PTPRD: variants seen among roughly 807,000 people sequenced by gnomAD.
The protein encoded by PTPRD is receptor-type tyrosine-protein phosphatase delta.
Under a neutral mutation model 214.5 loss-of-function variants are expected in PTPRD, and 34 were observed. The ratio of observed to expected loss-of-function variants is 0.16; its 90% CI spans 0.12 to 0.21. PTPRD has a LOEUF of 0.21. Among genes scored for constraint, PTPRD ranks in the 10% least tolerant of loss-of-function variants. The probability of loss-of-function intolerance (pLI) is 1.00; values close to 1 mark genes in which losing one functional copy is unlikely to be tolerated. For synonymous variants in PTPRD, 1,128 were observed against 845.7 expected, an observed-to-expected ratio of 1.33 and a Z score of -5.79; for missense variants, 2,545 against 2,398.7, an observed-to-expected ratio of 1.06 and a Z score of -1.27.
intron 27 of PTPRD, among the ~76,000 whole-genome samples, chr9:8,489,111 G>T (rs1237069470): frequency 2.0e-5 from 3 of 152,126 alleles, no homozygotes; most frequent in African/African-American, 7.2e-5. Flanking sequence ...CTTAGTAACT[G>T]ATGTTTCACT....
intron 3 of PTPRD, among the ~76,000 whole-genome samples, chr9:10,051,409 A>G (rs556760140): frequency 6.6e-6 from 1 of 151,744 alleles, no homozygotes; most frequent in East Asian, 1.9e-4. Flanking sequence ...TTTTTCCTCC[A>G]TGATATCTGT....
At chr9:9,374,550 T>G (rs2060299079) in intron 9 of PTPRD, among the ~76,000 whole-genome samples, 1 of 152,076 alleles carries the variant, frequency 6.6e-6, no homozygotes, top group Admixed American at 6.6e-5. Flanking sequence ...TAAAGTAAGG[T>G]AAAGTAAAGG....
chr9:9,253,648 T>TA (rs933287903), intron 9 of PTPRD, among the ~76,000 whole-genome samples: 5 of 152,088 alleles, frequency 3.3e-5, no homozygotes, highest in Non-Finnish European at 7.4e-5. Context: ...TGCCAAAGCA[T>TA]AAAAAATGGT....
At chr9:8,650,463 T>C (rs781423809) in intron 12 of PTPRD, among the ~76,000 whole-genome samples, 19 of 147,822 alleles carry the variant, frequency 1.3e-4, no homozygotes, top group Non-Finnish European at 2.2e-4. Context: ...AGGCAGAGGT[T>C]GCGGTGAGCC....
intron 10 of PTPRD, among the ~76,000 whole-genome samples, chr9:9,082,007 T>A (rs559684705): frequency 1.3e-5 from 2 of 152,062 alleles, no homozygotes; most frequent in South Asian, 2.1e-4. Flanking sequence ...ACCAGACAGA[T>A]TCACAGCCAA....
intron 4 of PTPRD, among the ~76,000 whole-genome samples, chr9:9,954,253 A>T (rs1407327142): frequency 1.5e-5 from 2 of 136,386 alleles, no homozygotes; most frequent in Non-Finnish European, 3.0e-5. Context: ...AGACTGTGCC[A>T]CTGCATTCCA....
Position 8,934,520 on chromosome 9 carries a change from A to AGT in PTPRD, c.-104+84176_-104+84177insAC, listed in dbSNP as rs2098982871. 1.2e-4 allele frequency among the ~76,000 whole-genome samples: 2 copies of AGT among 17,076 alleles called. 1 individual carries two copies. The highest frequency in any genetic ancestry group is 2.2e-4 in the Non-Finnish European group (2 of 9,242). 11.2% of individuals were successfully genotyped at this position (17,076 alleles called of 152,430 possible). A position where few individuals can be genotyped will look rare whatever the true frequency, so the allele number is the denominator to read the frequency against. ...ATATATATATAAATATATATATATA[A>AGT]ATATATATATATATGGGAAACCATA... On this transcript the variant is annotated intron_variant, in intron 11 of 45. Coordinates refer to ENST00000381196, the MANE Select transcript of PTPRD (RefSeq NM_002839.4).
intron 10 of PTPRD, among the ~76,000 whole-genome samples, chr9:9,060,176 AC>A (rs1414439085): frequency 1.3e-5 from 2 of 152,192 alleles, no homozygotes; most frequent in African/African-American, 4.8e-5. Flanking sequence ...AGCTACATTA[AC>A]TAAAACTGAC....
At chr9:10,341,917 A>C (rs2096947400) in intron 2 of PTPRD, among the ~76,000 whole-genome samples, 1 of 152,054 alleles carries the variant, frequency 6.6e-6, no homozygotes, top group South Asian at 2.1e-4. Context: ...TTAGCAACTC[A>C]ACTTTTTAAT....
intron 5 of PTPRD, among the ~76,000 whole-genome samples, chr9:9,862,893 G>GA (rs1314263667): frequency 8.6e-5 from 13 of 152,006 alleles, no homozygotes; most frequent in Admixed American, 2.6e-4. Flanking sequence ...TGTTTTAGTA[G>GA]AAAAAACACA....
chr9:9,316,973 C>T (rs1355329992), intron 9 of PTPRD, among the ~76,000 whole-genome samples: 1 of 152,116 alleles, frequency 6.6e-6, no homozygotes, highest in Non-Finnish European at 1.5e-5. Flanking sequence ...ATTTCTTTCT[C>T]TACAATGTTG....
At chr9:8,725,211 G>T (rs905121248) in intron 12 of PTPRD, among the ~76,000 whole-genome samples, 1 of 152,134 alleles carries the variant, frequency 6.6e-6, no homozygotes, top group Admixed American at 6.5e-5. Context: ...TTACTTTTCA[G>T]AACAGATGAG....
intron 9 of PTPRD, among the ~76,000 whole-genome samples, chr9:9,326,292 T>C (rs541648335): frequency 1.9e-4 from 29 of 152,148 alleles, no homozygotes; most frequent in Admixed American, 1.9e-3. Context: ...TTCATGTGGA[T>C]AATAGAGAAT....
intron 4 of PTPRD, among the ~76,000 whole-genome samples, chr9:9,964,518 T>G (rs78428086): frequency 0.033 from 5,078 of 152,192 alleles, 101 homozygotes; most frequent in Middle Eastern, 0.078. Flanking sequence ...AGCAGAAAAT[T>G]TTACCTTAAT....
Position 9,528,561 on chromosome 9 carries a change from T to A in PTPRD, c.-237+46171A>T, listed in dbSNP as rs577118708. ...GAGAACAAAATACTTGAAGACATATTGCGAGAATTTTCCCAAGTTGCTGAA... is the reference window on the plus strand; with the variant it reads ...GAGAACAAAATACTTGAAGACATATAGCGAGAATTTTCCCAAGTTGCTGAA... On this transcript the variant is annotated intron_variant, in intron 8 of 45. Coordinates refer to ENST00000381196, the MANE Select transcript of PTPRD (RefSeq NM_002839.4). 1.3e-3 allele frequency among the ~76,000 whole-genome samples: 194 copies of A among 152,212 alleles called. 2 individuals are homozygous for A. Among genetic ancestry groups the A allele is most frequent in the Non-Finnish European group, 1.2e-3 (83 of 68,012 alleles).
intron 9 of PTPRD, among the ~76,000 whole-genome samples, chr9:9,190,635 G>A (rs1449771689): frequency 1.3e-5 from 2 of 152,102 alleles, no homozygotes; most frequent in Non-Finnish European, 2.9e-5. Context: ...GCCCTAGGAG[G>A]ACACTAATAC....
intron 10 of PTPRD, among the ~76,000 whole-genome samples, chr9:9,048,282 C>G (rs1425731340): frequency 6.6e-6 from 1 of 152,094 alleles, no homozygotes; most frequent in Non-Finnish European, 1.5e-5. Context: ...AACACATGAT[C>G]CAGCAATCCT....
At chr9:10,095,356 T>C (rs1030551958) in intron 3 of PTPRD, among the ~76,000 whole-genome samples, 2 of 151,504 alleles carry the variant, frequency 1.3e-5, no homozygotes, top group Admixed American at 6.6e-5. Flanking sequence ...CTGTCAGGAA[T>C]CCATAGTTGT....
chr9:10,007,275 T>C (rs2096499281), intron 4 of PTPRD, among the ~76,000 whole-genome samples: 2 of 151,932 alleles, frequency 1.3e-5, no homozygotes, highest in Admixed American at 1.3e-4. Context: ...GTTGGAAAAA[T>C]AGATCAGAGG....
Sources: allele counts gnomAD v4.1 joint callset (sites outside exome capture counted in the v4.1 genomes callset), GRCh38; gene constraint gnomAD v4.1.1; transcripts MANE v1.5; gene names NCBI Gene and HGNC (gene_info 2026-07-23, HGNC 2026-07-21).